SHANK2: variants seen among roughly 807,000 people sequenced by gnomAD.
SHANK2 encodes the protein SH3 and multiple ankyrin repeat domains 2.
A neutral mutation model predicts 133.7 loss-of-function variants in SHANK2; 43 were observed. The ratio of observed to expected loss-of-function variants is 0.32; its 90% CI spans 0.25 to 0.41. The LOEUF (loss-of-function observed/expected upper bound fraction) is 0.41. Among genes scored for constraint, SHANK2 ranks in the 10% least tolerant of loss-of-function variants. The pLI is 1.00. For synonymous variants in SHANK2, 1,017 were observed against 952.8 expected, an observed-to-expected ratio of 1.07 and a Z score of -1.24; for missense variants, 1,994 against 2,235.8, an observed-to-expected ratio of 0.89 and a Z score of 2.18.
intron 14 of SHANK2, among the ~76,000 whole-genome samples, chr11:70,731,393 A>C (rs1202157322): frequency 6.6e-6 from 1 of 152,212 alleles, no homozygotes; most frequent in Non-Finnish European, 1.5e-5. Context: ...GTCCAGGCTG[A>C]CTGACATACT....
intron 9 of SHANK2, among the ~76,000 whole-genome samples, chr11:71,067,190 A>G (rs1284109089): frequency 4.6e-5 from 7 of 152,186 alleles, no homozygotes; most frequent in East Asian, 3.9e-4. Flanking sequence ...TGATGGCCCC[A>G]TGGGAGCTGC....
Position 71,109,999 on chromosome 11 carries a change from C to T in SHANK2, c.534G>A (p.Lys178=). 1 of 1,551,768 alleles carries T rather than the reference C, an allele frequency of 6.4e-7. No homozygotes were observed. Among genetic ancestry groups the T allele is most frequent in the Non-Finnish European group, 8.7e-7 (1 of 1,146,972 alleles). The part of the protein sequence containing the change: ...MDHIQHRLVE[K]ITKMLDRGLD... ...GGCCTCGGTCCAGCATCTTGGTGAT[C>T]TTCTCCACCAAGCGATGCTGAATGT... The change falls in exon 6 of 26, where the codon AAG becomes AAA. Residue 178 remains lysine (K), a synonymous_variant. Transcript: ENST00000601538.
intron 3 of SHANK2, among the ~76,000 whole-genome samples, chr11:71,135,596 C>A (rs1222111569): frequency 6.6e-6 from 1 of 150,660 alleles, no homozygotes. Flanking sequence ...AAGCAATTCT[C>A]GTGCCTCAGC....
At chr11:70,632,184 C>T (rs929658594) in intron 17 of SHANK2, among the ~76,000 whole-genome samples, 18 of 152,142 alleles carry the variant, frequency 1.2e-4, no homozygotes, top group Non-Finnish European at 4.4e-5. Context: ...TGCAGTGGCG[C>T]GATCTCGGCT....
At chr11:71,095,228 C>A (rs536434459) in intron 6 of SHANK2, among the ~76,000 whole-genome samples, 1 of 152,208 alleles carries the variant, frequency 6.6e-6, no homozygotes, top group Non-Finnish European at 1.5e-5. Context: ...TTCATTAACG[C>A]GGCGCAGGAT....
intron 17 of SHANK2, among the ~76,000 whole-genome samples, chr11:70,534,287 AG>A (rs2059516652): frequency 6.6e-6 from 1 of 152,206 alleles, no homozygotes; most frequent in East Asian, 1.9e-4. Flanking sequence ...GCTGAGTAAA[AG>A]GGGGAAAAGC....
chr11:71,194,294 G>A (rs1322629426), intron 2 of SHANK2, among the ~76,000 whole-genome samples: 2 of 152,194 alleles, frequency 1.3e-5, no homozygotes, highest in African/African-American at 4.8e-5. Flanking sequence ...GGTGCCCGAT[G>A]GAGTTGATGT....
At chr11:71,245,233 G>C (rs1377139105) in intron 1 of SHANK2, among the ~76,000 whole-genome samples, 1 of 152,066 alleles carries the variant, frequency 6.6e-6, no homozygotes, top group Admixed American at 6.5e-5. Flanking sequence ...TCCTGCCTCA[G>C]CCTCCCAAAG....
intron 6 of SHANK2, 76 bp downstream of exon 6, chr11:71,109,865 A>G: frequency 1.2e-6 from 1 of 856,498 alleles, no homozygotes; most frequent in African/African-American, 1.7e-5. Flanking sequence ...CGTTATTCAC[A>G]GGTAGCCTGA....
chr11:70,772,523 C>T (rs1555043104), intron 14 of SHANK2, among the ~76,000 whole-genome samples: 4 of 151,946 alleles, frequency 2.6e-5, no homozygotes, highest in Non-Finnish European at 5.9e-5. Context: ...ATTATACTGA[C>T]TATATCATGT....
chr11:70,565,639 C>T (rs782756108), intron 17 of SHANK2, among the ~76,000 whole-genome samples: 33 of 152,316 alleles, frequency 2.2e-4, no homozygotes, highest in Admixed American at 2.6e-4. Context: ...GAAGCTGGGG[C>T]AAGTATAGGG....
rs1483010567 is a variant in SHANK2 at position 71,207,094 on chromosome 11, A to AAAAAG, written c.-13+17598_-13+17602dup. ...GAGTGAGGCCCTGCCTCAAAATAAA[A>AAAAAG]AAAAGAAAAGAAAAGAAAAAAAAAT... On this transcript the variant is annotated intron_variant, in intron 2 of 25. Coordinates refer to ENST00000601538, the MANE Select transcript of SHANK2 (RefSeq NM_012309.5). 2.7e-5 allele frequency among the ~76,000 whole-genome samples: 4 copies of AAAAAG among 150,110 alleles called. No individual in the cohort carries two copies. The South Asian group carries it at 6.3e-4, about 24-fold the overall frequency.
chr11:70,531,927 A>T (rs2059479197), intron 17 of SHANK2, among the ~76,000 whole-genome samples: 1 of 152,014 alleles, frequency 6.6e-6, no homozygotes, highest in African/African-American at 2.4e-5. Flanking sequence ...GACAGTAGGG[A>T]CCAGATCTCT....
intron 11 of SHANK2, among the ~76,000 whole-genome samples, chr11:70,839,433 CT>C (rs1420631055): frequency 6.6e-6 from 1 of 152,200 alleles, no homozygotes; most frequent in Non-Finnish European, 1.5e-5. Flanking sequence ...ACACACCCCC[CT>C]GGTAGAGAGG....
In SHANK2 at chr11:70,492,371, G is replaced by A. The variant is rs781966470; in HGVS notation, c.2403C>T (p.Pro801=). ...AGCCCGCCGGGAAGCACCGGCTGCTGGGCCGCTGCTTGATGGTCGCCACCC... is the reference window on the plus strand; with the variant it reads ...AGCCCGCCGGGAAGCACCGGCTGCTAGGCCGCTGCTTGATGGTCGCCACCC... ...EPRVATIKQR[P]SSRCFPAGSD... Residue 801 remains proline (P), a synonymous_variant, in exon 22 of 26, where the codon CCC becomes CCT. Coordinates refer to ENST00000601538, the MANE Select transcript of SHANK2 (RefSeq NM_012309.5). The A allele has an allele frequency of 2.5e-6, 4 of 1,612,786 alleles. No individual in the cohort carries two copies. In the African/African-American group the frequency reaches 4.0e-5, roughly 16 times the overall value.
At chr11:70,941,309 G>A (rs1950643873) in intron 10 of SHANK2, among the ~76,000 whole-genome samples, 1 of 152,190 alleles carries the variant, frequency 6.6e-6, no homozygotes, top group Non-Finnish European at 1.5e-5. Context: ...GACACACTTA[G>A]ACACACGATG....
At chr11:71,106,077 G>A (rs1035869472) in intron 6 of SHANK2, among the ~76,000 whole-genome samples, 1 of 152,230 alleles carries the variant, frequency 6.6e-6, no homozygotes, top group African/African-American at 2.4e-5. Flanking sequence ...GAGGAAACTG[G>A]GGGAGCAGTC....
chr11:71,235,929 A>C (rs565666506), intron 1 of SHANK2, among the ~76,000 whole-genome samples: 508 of 152,330 alleles, frequency 3.3e-3, no homozygotes, highest in Middle Eastern at 0.01. Context: ...CTGTGCCAGA[A>C]GCAATGTGAC....
intron 15 of SHANK2, among the ~76,000 whole-genome samples, chr11:70,680,040 A>G (rs1243655859): frequency 6.6e-6 from 1 of 152,154 alleles, no homozygotes; most frequent in Admixed American, 6.5e-5. Flanking sequence ...GCACAGTCTG[A>G]GAGAGGCGGC....
Sources: gnomAD v4.1 joint callset for allele counts (sites outside exome capture counted in the v4.1 genomes callset) on GRCh38, gnomAD v4.1.1 for gene constraint, MANE v1.5 for transcripts, NCBI Gene and HGNC (gene_info 2026-07-23, HGNC 2026-07-21) for gene names.